The following CAST variants were observed in gnomAD, a reference collection of about 807,000 sequenced individuals.
CAST encodes calpastatin, also known as MIR583 host.
CAST carries 76 observed loss-of-function variants against 119.6 expected under a neutral mutation model. The ratio of observed to expected loss-of-function variants is 0.64; its 90% CI spans 0.53 to 0.77. The LOEUF (loss-of-function observed/expected upper bound fraction) is 0.77. CAST is among the 30% of genes least tolerant of loss of function. The pLI, the probability that CAST is intolerant of heterozygous loss-of-function variation, is 0.00. For missense variants in CAST, 953 were observed against 946.5 expected (o/e 1.01, Z -0.09); for synonymous variants, 319 against 331.6 (o/e 0.96, Z 0.41).
the CAST span, chr5:96,429,177 A>C: frequency 9.8e-7 from 1 of 1,025,110 alleles, no homozygotes; most frequent in South Asian, 1.3e-5. Flanking sequence ...CAGATAAGCT[A>C]GAGTATTGGT....
chr5:96,060,031 C>T, the CAST span, among the ~76,000 whole-genome samples: 1 of 152,050 alleles, frequency 6.6e-6, no homozygotes, highest in East Asian at 1.9e-4. Context: ...CAAGTAATAG[C>T]ACAATTATAG....
the CAST span, among the ~76,000 whole-genome samples, chr5:96,170,169 T>A: frequency 2.0e-5 from 3 of 152,086 alleles, no homozygotes; most frequent in African/African-American, 7.2e-5. Flanking sequence ...CTAAGCCGAG[T>A]AAATCTGGGA....
the CAST span, among the ~76,000 whole-genome samples, chr5:96,447,594 A>G: frequency 6.6e-6 from 1 of 152,248 alleles, no homozygotes; most frequent in Non-Finnish European, 1.5e-5. Context: ...GCCTGAGTTT[A>G]AAATGAAAAT....
At chr5:96,200,611 T>G in the CAST span, among the ~76,000 whole-genome samples, 1 of 152,190 alleles carries the variant, frequency 6.6e-6, no homozygotes. Context: ...AATTCTTACC[T>G]GTTAATTGAA....
chr5:96,377,125 A>T, the CAST span, among the ~76,000 whole-genome samples: 1 of 152,076 alleles, frequency 6.6e-6, no homozygotes, highest in East Asian at 1.9e-4. Flanking sequence ...CTTATTACAA[A>T]AGAGCCAAAT....
chr5:96,124,624 G>A, the CAST span, among the ~76,000 whole-genome samples: 1 of 151,646 alleles, frequency 6.6e-6, no homozygotes, highest in Non-Finnish European at 1.5e-5. Flanking sequence ...TTTTCCTTTC[G>A]TTAATTCCTA....
At chr5:96,170,136 C>T in the CAST span, among the ~76,000 whole-genome samples, 5 of 152,152 alleles carry the variant, frequency 3.3e-5, no homozygotes, top group Non-Finnish European at 4.4e-5. Flanking sequence ...CCGAGGCAAT[C>T]GGGCAGCATC....
At chr5:96,045,366 A>G in the CAST span, among the ~76,000 whole-genome samples, 2 of 151,872 alleles carry the variant, frequency 1.3e-5, no homozygotes, top group African/African-American at 4.8e-5. Context: ...GAAAAAAAAA[A>G]AAAAGAAAAG....
chr5:96,425,044 G>T, the CAST span, among the ~76,000 whole-genome samples: 1 of 127,070 alleles, frequency 7.9e-6, no homozygotes, highest in African/African-American at 2.7e-5. Flanking sequence ...AAGAAAGAAA[G>T]AAAGAAAGAA....
At chr5:96,136,811 TATG>T in the CAST span, among the ~76,000 whole-genome samples, 1 of 152,182 alleles carries the variant, frequency 6.6e-6, no homozygotes, top group African/African-American at 2.4e-5. Flanking sequence ...GCATTATATA[TATG>T]ATATCAGAAT....
At chr5:96,149,634 A>ATT in the CAST span, among the ~76,000 whole-genome samples, 2 of 152,156 alleles carry the variant, frequency 1.3e-5, no homozygotes, top group Non-Finnish European at 2.9e-5. Flanking sequence ...AGAGGTCCAG[A>ATT]TTTATTTCTG....
At chr5:96,170,785 T>C in the CAST span, among the ~76,000 whole-genome samples, 2 of 152,168 alleles carry the variant, frequency 1.3e-5, no homozygotes, top group Non-Finnish European at 2.9e-5. Flanking sequence ...TAACCTTGAC[T>C]ATACCTTTAG....
the CAST span, among the ~76,000 whole-genome samples, chr5:96,340,125 T>C: frequency 1.3e-5 from 2 of 152,208 alleles, no homozygotes; most frequent in East Asian, 3.8e-4. Context: ...GAAAGCCATG[T>C]CTTTGCTATT....
chr5:96,009,740 G>T, the CAST span, among the ~76,000 whole-genome samples: 1 of 152,030 alleles, frequency 6.6e-6, no homozygotes. Context: ...CCATTCTGTA[G>T]GTTATCTGTT....
chr5:96,635,014 G>T (rs1472581000), intron 1 of CAST, among the ~76,000 whole-genome samples: 7 of 152,184 alleles, frequency 4.6e-5, no homozygotes, highest in Non-Finnish European at 1.0e-4. Flanking sequence ...CAGTATCAGA[G>T]AAATTCTCAG....
At chr5:96,068,912 T>C in the CAST span, among the ~76,000 whole-genome samples, 2 of 150,758 alleles carry the variant, frequency 1.3e-5, no homozygotes, top group South Asian at 4.2e-4. Context: ...TTTTTACATA[T>C]GGCTCTTGGT....
intron 1 of CAST, among the ~76,000 whole-genome samples, chr5:96,641,561 AG>A (rs756479283): frequency 6.6e-6 from 1 of 152,180 alleles, no homozygotes; most frequent in Non-Finnish European, 1.5e-5. Flanking sequence ...CAATGCCAAG[AG>A]GATGGAGTTT....
chr5:96,225,052 G>C, the CAST span, among the ~76,000 whole-genome samples: 1 of 152,306 alleles, frequency 6.6e-6, no homozygotes, highest in African/African-American at 2.4e-5. Flanking sequence ...TGTTGATGGC[G>C]TGGAGGTAAC....
chr5:96,755,515 A>C (rs1766111358), intron 22 of CAST, among the ~76,000 whole-genome samples: 1 of 152,194 alleles, frequency 6.6e-6, no homozygotes, highest in Admixed American at 6.5e-5. Flanking sequence ...AACAAGGGGG[A>C]AGACCCCATT....
Sources: allele counts gnomAD v4.1 joint callset (sites outside exome capture counted in the v4.1 genomes callset), GRCh38; gene constraint gnomAD v4.1.1; transcripts MANE v1.5; gene names NCBI Gene and HGNC (gene_info 2026-07-23, HGNC 2026-07-21).